Variants in SYT16 observed in about 807,000 individuals in gnomAD.
The protein encoded by SYT16 is synaptotagmin-16.
In SYT16, 42 loss-of-function variants were observed where a neutral mutation model predicts 61.4. The observed-to-expected ratio is 0.68, with a 90% CI of 0.53 to 0.89. SYT16 has a LOEUF of 0.89. SYT16 is among the 40% of genes least tolerant of loss of function. The pLI is 0.00. For missense variants in SYT16, 804 were observed against 807.3 expected (o/e 1.00, Z 0.05); for synonymous variants, 314 against 302.3 (o/e 1.04, Z -0.40).
At chr14:61,858,527 A>C (rs367675168) in intron 1 of SYT16, among the ~76,000 whole-genome samples, 4 of 152,346 alleles carry the variant, frequency 2.6e-5, no homozygotes, top group South Asian at 2.1e-4. Flanking sequence ...TAAATGAGGT[A>C]GATAAAATAA....
At chr14:61,838,982 C>T (rs984446869) in intron 1 of SYT16, among the ~76,000 whole-genome samples, 4 of 151,410 alleles carry the variant, frequency 2.6e-5, no homozygotes, top group South Asian at 2.1e-4. Context: ...CCCCCACCCC[C>T]CCGCCATGGT....
rs763266467 is a variant in SYT16 at position 61,996,500 on chromosome 14, C to T, written c.481C>T (p.Gln161Ter). 2 of 1,612,360 alleles carry T rather than the reference C, an allele frequency of 1.2e-6. No individual in the cohort carries two copies. Among genetic ancestry groups the T allele is most frequent in the South Asian group, 1.1e-5 (1 of 90,732 alleles). The change falls in exon 3 of 8, where the codon CAG (glutamine) becomes TAG (stop). Residue 161 changes from glutamine (Q) to a stop codon, truncating the protein, a stop_gained. Transcript: ENST00000683842. LOFTEE classifies it high-confidence loss of function. Reference sequence around the variant, plus strand: ...TGGCCTTCAACATGGCTTTGACAGCCAGCTCCCTGGTACTTTAGAAACTGT... The same window carrying T: ...TGGCCTTCAACATGGCTTTGACAGCTAGCTCCCTGGTACTTTAGAAACTGT... ...RSGLQHGFDSQLPGTLETVNG... is the reference protein window; with the variant it reads ...RSGLQHGFDS
At chr14:61,946,277 A>G (rs887077233) in intron 1 of SYT16, among the ~76,000 whole-genome samples, 4 of 152,230 alleles carry the variant, frequency 2.6e-5, no homozygotes, top group Admixed American at 2.6e-4. Flanking sequence ...CTTCAAGGAA[A>G]TAACACAGAA....
At chr14:61,951,617 C>T (rs539057739) in intron 1 of SYT16, among the ~76,000 whole-genome samples, 1 of 151,972 alleles carries the variant, frequency 6.6e-6, no homozygotes, top group South Asian at 2.1e-4. Context: ...GTAGACTTAT[C>T]TCTCAATCTC....
At chr14:61,997,781 A>T (rs1351534588) in intron 3 of SYT16, among the ~76,000 whole-genome samples, 8 of 152,062 alleles carry the variant, frequency 5.3e-5, no homozygotes, top group African/African-American at 1.9e-4. Context: ...CATTCTTGAA[A>T]AGGTTGAACT....
chr14:62,066,342 G>A (rs1312526394), intron 3 of SYT16, among the ~76,000 whole-genome samples: 1 of 152,126 alleles, frequency 6.6e-6, no homozygotes, highest in Non-Finnish European at 1.5e-5. Context: ...CTTAATTGAC[G>A]GTGTGATCTT....
At chr14:61,865,070 G>A (rs1317834584) in intron 1 of SYT16, 1 of 1,392,444 alleles carries the variant, frequency 7.2e-7, no homozygotes, top group Non-Finnish European at 1.0e-6. Context: ...CGACTGTGCA[G>A]CTTGCGGGAA....
Position 62,110,819 on chromosome 14 carries a change from A to T in SYT16, c.*10112A>T, listed in dbSNP as rs1322450486. 12 of 152,046 alleles carry T rather than the reference A, an allele frequency of 7.9e-5. No homozygotes were observed. Among genetic ancestry groups the T allele is most frequent in the Admixed American group, 7.9e-4 (12 of 15,256 alleles). 9.4% of individuals were successfully genotyped at this position (152,046 alleles called of 1,614,324 possible). A position where few individuals can be genotyped will look rare whatever the true frequency, so the allele number is the denominator to read the frequency against. On this transcript the variant is annotated 3_prime_UTR_variant, in exon 8 of 8. Coordinates refer to ENST00000683842, the MANE Select transcript of SYT16 (RefSeq NM_001367656.1). Reference sequence around the variant, plus strand: ...TAAATGGAATAGCTTTTCCTCCCCTACAAAGTGGATTTGAATACAGTCCTT... The same window carrying T: ...TAAATGGAATAGCTTTTCCTCCCCTTCAAAGTGGATTTGAATACAGTCCTT...
intron 3 of SYT16, among the ~76,000 whole-genome samples, chr14:62,035,918 C>T (rs966072356): frequency 3.3e-5 from 5 of 152,088 alleles, no homozygotes; most frequent in African/African-American, 7.2e-5. Flanking sequence ...TAATTACTGC[C>T]TTCATTCAAT....
chr14:62,037,599 T>A (rs2054561382), intron 3 of SYT16, among the ~76,000 whole-genome samples: 1 of 152,238 alleles, frequency 6.6e-6, no homozygotes, highest in Admixed American at 6.5e-5. Flanking sequence ...CTTATCTCTC[T>A]GTTAGTTTGA....
chr14:61,950,437 T>C (rs1016154052), intron 1 of SYT16, among the ~76,000 whole-genome samples: 2 of 152,200 alleles, frequency 1.3e-5, no homozygotes, highest in African/African-American at 4.8e-5. Flanking sequence ...CATGTAATCT[T>C]CCCTTGATGT....
At chr14:62,012,007 A>G (rs1237566248) in intron 3 of SYT16, among the ~76,000 whole-genome samples, 1 of 117,350 alleles carries the variant, frequency 8.5e-6, no homozygotes, top group East Asian at 3.9e-4. Context: ...ATGTTAAAAA[A>G]AAAACAACCT....
At chr14:61,824,277 C>A (rs2045704110) in intron 1 of SYT16, among the ~76,000 whole-genome samples, 1 of 152,150 alleles carries the variant, frequency 6.6e-6, no homozygotes, top group Admixed American at 6.5e-5. Context: ...AGAACTACTT[C>A]TGCAGATATT....
At chr14:61,832,033 A>C in intron 1 of SYT16, 2 of 696,720 alleles carry the variant, frequency 2.9e-6, no homozygotes, top group Non-Finnish European at 5.4e-6. Flanking sequence ...AACGCCGTGA[A>C]GCCAAGGAAG....
intron 1 of SYT16, among the ~76,000 whole-genome samples, chr14:61,933,261 C>A (rs73260229): frequency 6.6e-6 from 1 of 152,150 alleles, no homozygotes; most frequent in Non-Finnish European, 1.5e-5. Flanking sequence ...ACACAAAGCT[C>A]CTTTCCCATT....
intron 7 of SYT16, among the ~76,000 whole-genome samples, chr14:62,089,519 A>C (rs1032129680): frequency 1.3e-5 from 2 of 152,172 alleles, no homozygotes; most frequent in Non-Finnish European, 2.9e-5. Context: ...TTTTTTAAAA[A>C]AAATCATGTA....
chr14:61,888,588 A>G (rs940570237), intron 1 of SYT16, among the ~76,000 whole-genome samples: 2 of 152,228 alleles, frequency 1.3e-5, no homozygotes, highest in Non-Finnish European at 1.5e-5. Flanking sequence ...AACAATTACA[A>G]TATTAACATC....
intron 3 of SYT16, among the ~76,000 whole-genome samples, chr14:62,021,428 A>T: frequency 6.6e-6 from 1 of 150,988 alleles, no homozygotes. Context: ...TATTCCTGCC[A>T]CTCTACAGTG....
In SYT16 at chr14:62,069,556, G is replaced by A. The variant is rs759666922; in HGVS notation, c.524-47G>A. 11 of 1,558,266 alleles carry A rather than the reference G, an allele frequency of 7.1e-6. No individual in the cohort carries two copies. The African/African-American group carries it at 1.1e-4, about 15-fold the overall frequency. On this transcript the variant is annotated intron_variant, in intron 3 of 7. Coordinates refer to ENST00000683842, the MANE Select transcript of SYT16 (RefSeq NM_001367656.1). ...TCCTGGAGAGTCTATCTCTGTATTC[G>A]AGCATATAGGCCACACAGGAGACTC...
Sources: allele counts gnomAD v4.1 joint callset (sites outside exome capture counted in the v4.1 genomes callset), GRCh38; gene constraint gnomAD v4.1.1; transcripts MANE v1.5; gene names NCBI Gene and HGNC (gene_info 2026-07-23, HGNC 2026-07-21).